KCNIP1: variants seen among roughly 807,000 people sequenced by gnomAD.
The protein encoded by KCNIP1 is A-type potassium channel modulatory protein KCNIP1.
A neutral mutation model predicts 33.0 loss-of-function variants in KCNIP1; 18 were observed. The ratio of observed to expected loss-of-function variants is 0.55; its 90% CI spans 0.38 to 0.81. KCNIP1 has a LOEUF of 0.81. KCNIP1 is among the 30% of genes least tolerant of loss of function. The pLI is 0.00. For synonymous variants in KCNIP1, 93 were observed against 98.3 expected, an observed-to-expected ratio of 0.95 and a Z score of 0.32; for missense variants, 238 against 271.6, an observed-to-expected ratio of 0.88 and a Z score of 0.87.
rs185329595 is a variant in KCNIP1, at chr5:170,641,112, G to A, written c.62-77646G>A. Reference sequence around the variant, plus strand: ...CGGTCCCCACCTCTCAACACAGAAAGCAACATCTCTGATTGCCTCTAGACA... The same window carrying A: ...CGGTCCCCACCTCTCAACACAGAAAACAACATCTCTGATTGCCTCTAGACA... On this transcript the variant is annotated intron_variant, in intron 1 of 7. Transcript: ENST00000328939. Among the ~76,000 whole-genome samples, 285 of 152,218 alleles carry A rather than the reference G, an allele frequency of 1.9e-3. 2 individuals carry two copies. Among genetic ancestry groups the A allele is most frequent in the African/African-American group, 6.5e-3 (270 of 41,546 alleles).
chr5:170,386,686 G>GT (rs1383099188), intron 1 of KCNIP1, among the ~76,000 whole-genome samples: 1,714 of 143,778 alleles, frequency 0.012, 21 homozygotes, highest in African/African-American at 0.037. Flanking sequence ...ATATTCCGGT[G>GT]TTTTTTTTTT....
chr5:170,559,657 G>T (rs1168971087), intron 1 of KCNIP1, among the ~76,000 whole-genome samples: 1 of 152,124 alleles, frequency 6.6e-6, no homozygotes, highest in Non-Finnish European at 1.5e-5. Flanking sequence ...TCCCCTCTAG[G>T]CTGGGTTCCT....
At chr5:170,683,230 T>C (rs974775226) in intron 1 of KCNIP1, among the ~76,000 whole-genome samples, 1 of 152,226 alleles carries the variant, frequency 6.6e-6, no homozygotes, top group East Asian at 1.9e-4. Context: ...AGTGCCTTTA[T>C]ATACATGAGT....
At chr5:170,459,650 A>G (rs189656245) in intron 1 of KCNIP1, among the ~76,000 whole-genome samples, 1 of 152,334 alleles carries the variant, frequency 6.6e-6, no homozygotes, top group East Asian at 1.9e-4. Flanking sequence ...GAATGACAGT[A>G]CTGACACAAC....
rs372094239 is a variant in KCNIP1, at chr5:170,496,763, C to T, written c.88+142799C>T. On this transcript the variant is annotated intron_variant, in intron 1 of 7. Coordinates refer to the KCNIP1 transcript ENST00000377360. ...ACTGCCCCCGTCATTTCAGTCTCAC[C>T]CGTCCACCCTCAACCTCACCACTGT... is the stretch of plus-strand genomic sequence containing the variant. 8.5e-5 allele frequency among the ~76,000 whole-genome samples: 13 copies of T among 152,276 alleles called. No individual in the cohort carries two copies. The South Asian group carries it at 1.7e-3, about 19-fold the overall frequency.
At chr5:170,544,753 TAG>T (rs747135800) in intron 1 of KCNIP1, among the ~76,000 whole-genome samples, 82 of 152,122 alleles carry the variant, frequency 5.4e-4, no homozygotes, top group Non-Finnish European at 9.7e-4. Context: ...TATATATATT[TAG>T]TTTATTATAG....
At chr5:170,516,768 C>A (rs1755137984) in intron 1 of KCNIP1, among the ~76,000 whole-genome samples, 2 of 152,212 alleles carry the variant, frequency 1.3e-5, no homozygotes, top group South Asian at 4.1e-4. Flanking sequence ...TGTTTAGCCC[C>A]TTTCTGCATA....
At chr5:170,487,404 G>A (rs757021089) in intron 1 of KCNIP1, among the ~76,000 whole-genome samples, 5 of 151,952 alleles carry the variant, frequency 3.3e-5, no homozygotes, top group African/African-American at 4.8e-5. Context: ...AAGTTGACAC[G>A]CAAAATTAAC....
intron 1 of KCNIP1, among the ~76,000 whole-genome samples, chr5:170,574,777 A>G (rs1757538803): frequency 6.6e-6 from 1 of 151,988 alleles, no homozygotes; most frequent in Non-Finnish European, 1.5e-5. Flanking sequence ...ACTCACACAC[A>G]CCTACATACT....
intron 1 of KCNIP1, among the ~76,000 whole-genome samples, chr5:170,601,167 T>C (rs1425674911): frequency 6.6e-6 from 1 of 152,262 alleles, no homozygotes; most frequent in Non-Finnish European, 1.5e-5. Flanking sequence ...GCGCTAAGGC[T>C]GTAGACTGGG....
chr5:170,594,719 C>T (rs1758383128), intron 1 of KCNIP1, among the ~76,000 whole-genome samples: 1 of 152,168 alleles, frequency 6.6e-6, no homozygotes, highest in African/African-American at 2.4e-5. Context: ...CCATGTTGGC[C>T]AGGCTGCTCT....
At chr5:170,404,428 C>T (rs1754983685) in intron 1 of KCNIP1, among the ~76,000 whole-genome samples, 1 of 152,118 alleles carries the variant, frequency 6.6e-6, no homozygotes, top group African/African-American at 2.4e-5. Flanking sequence ...ACCAGATGCT[C>T]AGGATTCTGC....
intron 1 of KCNIP1, among the ~76,000 whole-genome samples, chr5:170,590,401 G>A (rs1277782565): frequency 6.6e-6 from 1 of 152,126 alleles, no homozygotes; most frequent in African/African-American, 2.4e-5. Flanking sequence ...AAGCAAGAGT[G>A]GAGAAGTGAG....
chr5:170,457,299 C>T (rs529643803), intron 1 of KCNIP1, among the ~76,000 whole-genome samples: 2 of 152,148 alleles, frequency 1.3e-5, no homozygotes, highest in African/African-American at 2.4e-5. Context: ...GAAGACAGGG[C>T]AGCAAAACTG....
At chr5:170,364,114 C>T (rs1045288419) in intron 1 of KCNIP1, among the ~76,000 whole-genome samples, 3 of 152,144 alleles carry the variant, frequency 2.0e-5, no homozygotes, top group East Asian at 3.9e-4. Flanking sequence ...AATCCTCCCA[C>T]CTCAGCCTCC....
intron 1 of KCNIP1, chr5:170,681,445 CT>C (rs1762345722): frequency 7.1e-6 from 2 of 282,478 alleles, no homozygotes; most frequent in South Asian, 3.4e-4. Flanking sequence ...GCATGTGAGT[CT>C]TGATGGATTA....
At chr5:170,683,717 T>A (rs1204410229) in intron 1 of KCNIP1, among the ~76,000 whole-genome samples, 1 of 151,836 alleles carries the variant, frequency 6.6e-6, no homozygotes, top group East Asian at 1.9e-4. Flanking sequence ...CCTATTTTAT[T>A]TTTAAGGTTT....
At chr5:170,698,932 G>A (rs978660445) in intron 1 of KCNIP1, among the ~76,000 whole-genome samples, 2 of 151,894 alleles carry the variant, frequency 1.3e-5, no homozygotes, top group Non-Finnish European at 2.9e-5. Context: ...TCTCCAAGCC[G>A]GAGGATCTCC....
chr5:170,656,152 ACC>A (rs1360563349), intron 1 of KCNIP1, among the ~76,000 whole-genome samples: 10 of 152,184 alleles, frequency 6.6e-5, no homozygotes, highest in Non-Finnish European at 1.2e-4. Context: ...GTCACTGGGA[ACC>A]CTGTTCTAAT....
Sources: gnomAD v4.1 joint callset for allele counts (sites outside exome capture counted in the v4.1 genomes callset) on GRCh38, gnomAD v4.1.1 for gene constraint, MANE v1.5 for transcripts, NCBI Gene and HGNC (gene_info 2026-07-23, HGNC 2026-07-21) for gene names.